GRM8: variants seen among roughly 807,000 people sequenced by gnomAD.
GRM8 encodes the protein metabotropic glutamate receptor 8.
In GRM8, 47 loss-of-function variants were observed where a neutral mutation model predicts 87.2. That is an observed-to-expected ratio of 0.54 (90% CI 0.43 to 0.69). The LOEUF (loss-of-function observed/expected upper bound fraction) is 0.69. GRM8 is among the 30% of genes least tolerant of loss of function. The pLI, the probability that GRM8 is intolerant of heterozygous loss-of-function variation, is 0.00. For synonymous variants in GRM8, 396 were observed against 404.5 expected (o/e 0.98, Z 0.25); for missense variants, 1,019 against 1,139.2 (o/e 0.89, Z 1.52).
chr7:127,070,517 T>C (rs919387054), intron 3 of GRM8, among the ~76,000 whole-genome samples: 1 of 151,966 alleles, frequency 6.6e-6, no homozygotes, highest in African/African-American at 2.4e-5. Flanking sequence ...ATACAGCCAA[T>C]AACTCTTCCT....
intron 6 of GRM8, among the ~76,000 whole-genome samples, chr7:126,898,308 T>C (rs1167604840): frequency 6.6e-6 from 1 of 152,184 alleles, no homozygotes; most frequent in East Asian, 1.9e-4. Context: ...TGCCAGATCA[T>C]CTTCCCTTCT....
chr7:126,823,368 T>C (rs1022245117), intron 6 of GRM8, among the ~76,000 whole-genome samples: 1 of 152,214 alleles, frequency 6.6e-6, no homozygotes, highest in African/African-American at 2.4e-5. Flanking sequence ...TCCAACTAGC[T>C]GTTAAATTAA....
At chr7:127,237,898 G>T (rs1462022762) in intron 2 of GRM8, among the ~76,000 whole-genome samples, 2 of 152,178 alleles carry the variant, frequency 1.3e-5, no homozygotes, top group Admixed American at 6.5e-5. Context: ...CTCAAAGTAA[G>T]ACATATGATT....
At chr7:126,892,692 G>A (rs1801171109) in intron 6 of GRM8, among the ~76,000 whole-genome samples, 1 of 152,082 alleles carries the variant, frequency 6.6e-6, no homozygotes, top group South Asian at 2.1e-4. Context: ...TCTAGTTCTA[G>A]ATCCCTGAGG....
intron 7 of GRM8, among the ~76,000 whole-genome samples, chr7:126,681,369 A>G (rs1056629959): frequency 1.3e-5 from 2 of 152,088 alleles, no homozygotes; most frequent in African/African-American, 4.8e-5. Flanking sequence ...ACTCTCCACA[A>G]TCCCCTGAGA....
chr7:126,786,007 A>T (rs1414287492), intron 6 of GRM8, among the ~76,000 whole-genome samples: 1 of 152,100 alleles, frequency 6.6e-6, no homozygotes, highest in Non-Finnish European at 1.5e-5. Flanking sequence ...CAGTCTTTTG[A>T]GGTTTTCTGG....
chr7:126,806,258 G>A (rs986822833), intron 6 of GRM8, among the ~76,000 whole-genome samples: 6 of 152,142 alleles, frequency 3.9e-5, no homozygotes, highest in African/African-American at 1.4e-4. Flanking sequence ...AGCTCTTAAA[G>A]GCGGCGCATC....
At chr7:126,589,280 C>T (rs1031081394) in intron 8 of GRM8, among the ~76,000 whole-genome samples, 10 of 152,056 alleles carry the variant, frequency 6.6e-5, no homozygotes, top group African/African-American at 1.2e-4. Context: ...AGTGCTATTG[C>T]GGGGAGGCAC....
rs375377272 is a variant in GRM8, at chr7:127,238,842, C to T, written c.510+3853G>A. Among the ~76,000 whole-genome samples, 4 of 152,346 alleles carry T rather than the reference C, an allele frequency of 2.6e-5. No individual in the cohort carries two copies. In the East Asian group the frequency reaches 5.8e-4, roughly 22 times the overall value. On this transcript the variant is annotated intron_variant, in intron 2 of 10. Transcript: ENST00000339582. ...GTATTCCAGCAGAGGAGGTGGCTAT[C>T]CACTAAGTGCAGTCTCTGTTGGGGC...
At chr7:127,160,956 T>C (rs1793075036) in intron 2 of GRM8, among the ~76,000 whole-genome samples, 1 of 152,110 alleles carries the variant, frequency 6.6e-6, no homozygotes, top group African/African-American at 2.4e-5. Flanking sequence ...CTTTTCTTAG[T>C]AGAAACAAGA....
At chr7:126,595,824 G>A (rs556805090) in intron 8 of GRM8, among the ~76,000 whole-genome samples, 36 of 152,130 alleles carry the variant, frequency 2.4e-4, no homozygotes, top group African/African-American at 5.8e-4. Context: ...ATGAACATGC[G>A]TGTGTCTTTA....
At chr7:127,018,414 CTTT>C (rs113155218) in intron 3 of GRM8, among the ~76,000 whole-genome samples, 10 of 133,152 alleles carry the variant, frequency 7.5e-5, no homozygotes, top group African/African-American at 1.1e-4. Context: ...CTTAAAGTGG[CTTT>C]TTTTTTTTTT....
intron 7 of GRM8, among the ~76,000 whole-genome samples, chr7:126,639,939 G>C (rs1802207399): frequency 6.6e-6 from 1 of 152,158 alleles, no homozygotes; most frequent in South Asian, 2.1e-4. Context: ...AGACCATGCA[G>C]ACAAGCCCAT....
chr7:126,770,171 C>G, intron 6 of GRM8, 106 bp from the exon 7 acceptor site: 2 of 708,824 alleles, frequency 2.8e-6, no homozygotes, highest in African/African-American at 3.6e-5. Flanking sequence ...TGAGACACGA[C>G]TATTTGATTT....
intron 6 of GRM8, among the ~76,000 whole-genome samples, chr7:126,857,165 A>T (rs1455135569): frequency 6.6e-6 from 1 of 152,206 alleles, no homozygotes; most frequent in African/African-American, 2.4e-5. Context: ...AGATTCAAAT[A>T]ATAGGGAAAA....
intron 6 of GRM8, among the ~76,000 whole-genome samples, chr7:126,899,573 T>G (rs1801865637): frequency 6.6e-6 from 1 of 152,210 alleles, no homozygotes; most frequent in Non-Finnish European, 1.5e-5. Flanking sequence ...ATTTAGCATT[T>G]AATTATAGAA....
chr7:126,909,944 G>A (rs559584471), intron 3 of GRM8, among the ~76,000 whole-genome samples: 38 of 152,210 alleles, frequency 2.5e-4, no homozygotes, highest in African/African-American at 8.7e-4. Context: ...TATACCTGTG[G>A]CTTAATGGTT....
intron 2 of GRM8, among the ~76,000 whole-genome samples, chr7:127,156,024 T>C (rs1386822851): frequency 2.6e-5 from 4 of 152,158 alleles, no homozygotes; most frequent in African/African-American, 9.7e-5. Flanking sequence ...TGTGGCTAAT[T>C]CTAGCAGTAG....
intron 3 of GRM8, among the ~76,000 whole-genome samples, chr7:127,019,908 T>C (rs1041235029): frequency 6.6e-6 from 1 of 152,042 alleles, no homozygotes; most frequent in African/African-American, 2.4e-5. Flanking sequence ...CACTGCAAGC[T>C]CTCTGCAAAC....
Sources: allele counts gnomAD v4.1 joint callset (sites outside exome capture counted in the v4.1 genomes callset), GRCh38; gene constraint gnomAD v4.1.1; transcripts MANE v1.5; gene names NCBI Gene and HGNC (gene_info 2026-07-23, HGNC 2026-07-21).